NRG1: variants seen among roughly 807,000 people sequenced by gnomAD.
The protein encoded by NRG1 is pro-neuregulin-1, membrane-bound isoform.
NRG1 carries 18 observed loss-of-function variants against 63.8 expected under a neutral mutation model. The observed-to-expected ratio is 0.28, with a 90% confidence interval of 0.19 to 0.42. The LOEUF is 0.42. NRG1 is among the 10% of genes least tolerant of loss of function. The pLI, the probability that NRG1 is intolerant of heterozygous loss-of-function variation, is 1.00. For missense variants in NRG1, 762 were observed against 814.7 expected (o/e 0.94, Z 0.79); for synonymous variants, 302 against 301.3 (o/e 1.00, Z -0.02).
At chr8:32,231,020 C>T (rs1426073934) in intron 1 of NRG1, among the ~76,000 whole-genome samples, 1 of 152,050 alleles carries the variant, frequency 6.6e-6, no homozygotes, top group Non-Finnish European at 1.5e-5. Context: ...CACCTTCTCC[C>T]CATGCTGGCT....
chr8:31,991,378 CTCT>C (rs141571361), intron 1 of NRG1, among the ~76,000 whole-genome samples: 1 of 149,262 alleles, frequency 6.7e-6, no homozygotes, highest in African/African-American at 2.5e-5. Context: ...CCTCCTCCTC[CTCT>C]TCTTCTGCTG....
chr8:32,229,148 T>C (rs1406917718), intron 1 of NRG1, among the ~76,000 whole-genome samples: 3 of 152,176 alleles, frequency 2.0e-5, no homozygotes, highest in African/African-American at 4.8e-5. Flanking sequence ...ATGCATGATA[T>C]TTCCTGTTGG....
At chr8:32,505,037 G>T (rs1417270548) in intron 1 of NRG1, among the ~76,000 whole-genome samples, 1 of 152,132 alleles carries the variant, frequency 6.6e-6, no homozygotes, top group African/African-American at 2.4e-5. Flanking sequence ...GAAGAGAAAG[G>T]ATGTAAACTT....
At chr8:31,896,867 T>G (rs1831620902) in intron 1 of NRG1, among the ~76,000 whole-genome samples, 1 of 152,274 alleles carries the variant, frequency 6.6e-6, no homozygotes, top group Admixed American at 6.5e-5. Flanking sequence ...TGACTATTTA[T>G]GAGTGTCTTC....
chr8:32,444,145 G>T (rs772053015), intron 1 of NRG1, among the ~76,000 whole-genome samples: 4 of 148,480 alleles, frequency 2.7e-5, no homozygotes, highest in Non-Finnish European at 3.0e-5. Context: ...TTGAGATAGG[G>T]TCTCACTTTG....
chr8:31,749,126 C>T (rs550176660), intron 1 of NRG1, among the ~76,000 whole-genome samples: 2 of 151,730 alleles, frequency 1.3e-5, no homozygotes, highest in African/African-American at 2.4e-5. Context: ...GAGGATAGTA[C>T]ATAAGTTTAA....
intron 11 of NRG1, among the ~76,000 whole-genome samples, chr8:32,762,055 A>AC (rs1409114132): frequency 7.2e-6 from 1 of 138,038 alleles, no homozygotes; most frequent in Non-Finnish European, 1.5e-5. Context: ...AAAAAAAAAA[A>AC]AAAAACATTC....
intron 2 of NRG1, among the ~76,000 whole-genome samples, chr8:32,601,027 A>G (rs986168506): frequency 6.6e-6 from 1 of 152,040 alleles, no homozygotes; most frequent in African/African-American, 2.4e-5. Context: ...GCAATATATA[A>G]TTTTCAAGGA....
Position 32,701,667 on chromosome 8 carries a change from T to G in NRG1, c.503-26282T>G, listed in dbSNP as rs114038961. On this transcript the variant is annotated intron_variant, in intron 5 of 11. Transcript: ENST00000356819. ...TGAATGTTTTCAACTAAAAGATGAT[T>G]CACTTTCTAACTTGACAAAAATAAA... is the stretch of plus-strand genomic sequence containing the variant. Among the ~76,000 whole-genome samples, 815 of 152,350 alleles carry G rather than the reference T, an allele frequency of 5.3e-3. 5 individuals carry two copies. Among genetic ancestry groups the G allele is most frequent in the African/African-American group, 0.019 (780 of 41,580 alleles).
At chr8:32,414,787 A>G (rs1157070923) in intron 1 of NRG1, among the ~76,000 whole-genome samples, 2 of 152,180 alleles carry the variant, frequency 1.3e-5, no homozygotes, top group African/African-American at 4.8e-5. Flanking sequence ...TCTGCTCTCA[A>G]ACAAAATTAT....
At chr8:31,780,027 C>T (rs975407632) in intron 1 of NRG1, among the ~76,000 whole-genome samples, 1 of 152,200 alleles carries the variant, frequency 6.6e-6, no homozygotes, top group Non-Finnish European at 1.5e-5. Context: ...ACCTGAGGCT[C>T]TCTGATACCC....
intron 1 of NRG1, among the ~76,000 whole-genome samples, chr8:32,105,159 A>T (rs994604542): frequency 6.6e-6 from 1 of 152,136 alleles, no homozygotes; most frequent in African/African-American, 2.4e-5. Flanking sequence ...AGTGATAGAA[A>T]TTTTTTAGCT....
chr8:32,195,137 A>G (rs1258813489), intron 1 of NRG1, among the ~76,000 whole-genome samples: 5 of 152,124 alleles, frequency 3.3e-5, no homozygotes, highest in Non-Finnish European at 7.4e-5. Flanking sequence ...TGTGGGAACA[A>G]GAAGTAGCCA....
intron 7 of NRG1, among the ~76,000 whole-genome samples, chr8:32,753,663 T>C (rs1346162338): frequency 5.3e-5 from 8 of 152,214 alleles, no homozygotes; most frequent in African/African-American, 1.7e-4. Flanking sequence ...TCACATAGGA[T>C]TTTCTTTGAT....
intron 1 of NRG1, among the ~76,000 whole-genome samples, chr8:32,374,056 A>G (rs114907242): frequency 0.012 from 1,856 of 152,272 alleles, 32 homozygotes; most frequent in African/African-American, 0.037. Context: ...TTTTTAGTGA[A>G]GTAAAACAAA....
chr8:32,199,302 G>T (rs1481166056), intron 1 of NRG1, among the ~76,000 whole-genome samples: 1 of 152,030 alleles, frequency 6.6e-6, no homozygotes. Context: ...TCTAATTCCA[G>T]CTAGATACTT....
intron 1 of NRG1, among the ~76,000 whole-genome samples, chr8:31,642,946 C>T (rs1018675343): frequency 2.6e-5 from 4 of 151,686 alleles, no homozygotes; most frequent in Non-Finnish European, 4.4e-5. Context: ...GATGTAAATT[C>T]AGTAAATCTG....
In NRG1 at chr8:32,088,609, C is replaced by T. The variant is rs12680684; in HGVS notation, c.37+449178C>T. Among the ~76,000 whole-genome samples the T allele has an allele frequency of 7.2e-4, 109 of 151,924 alleles. No homozygotes were observed. In the East Asian group the frequency reaches 0.02, roughly 28 times the overall value. ...CTGGGCTCATTGCAACCTCCGCCTC[C>T]TGGGTTCAAGCGATTTTTCTGCCTC... is the stretch of plus-strand genomic sequence containing the variant. On this transcript the variant is annotated intron_variant, in intron 1 of 10. Transcript: ENST00000519301.
At chr8:31,960,093 A>T (rs1273776293) in intron 1 of NRG1, among the ~76,000 whole-genome samples, 1 of 152,194 alleles carries the variant, frequency 6.6e-6, no homozygotes, top group Admixed American at 6.5e-5. Flanking sequence ...AATCCAAGTG[A>T]AAAATCATGG....
Sources: allele counts gnomAD v4.1 joint callset (sites outside exome capture counted in the v4.1 genomes callset), GRCh38; gene constraint gnomAD v4.1.1; transcripts MANE v1.5; gene names NCBI Gene and HGNC (gene_info 2026-07-23, HGNC 2026-07-21).